SMIM36: variants seen among roughly 807,000 people sequenced by gnomAD.
The protein encoded by SMIM36 is small integral membrane protein 36.
chr17:55,487,176 G>A (rs1456740409), intron 1 of SMIM36, among the ~76,000 whole-genome samples: 2 of 151,688 alleles, frequency 1.3e-5, no homozygotes, highest in African/African-American at 4.9e-5. Flanking sequence ...CACAGGGCGG[G>A]GAACATCACA....
At chr17:55,462,944 C>A (rs765388982) in intron 4 of SMIM36, among the ~76,000 whole-genome samples, 2 of 152,162 alleles carry the variant, frequency 1.3e-5, no homozygotes, top group African/African-American at 2.4e-5. Context: ...GTTAAAGAGG[C>A]CTTTCCCACA....
At chr17:55,514,180 A>G (rs572778171), upstream of SMIM36, among the ~76,000 whole-genome samples, 5 of 151,662 alleles carry the variant, frequency 3.3e-5, no homozygotes, top group East Asian at 9.7e-4. Context: ...TCTTTAAGGA[A>G]CTTTCCTCTG....
intron 3 of SMIM36, among the ~76,000 whole-genome samples, chr17:55,476,074 A>C (rs982852324): frequency 3.9e-5 from 6 of 152,200 alleles, no homozygotes; most frequent in Non-Finnish European, 2.9e-5. Context: ...ATAAGAAGAC[A>C]GGAATGTCAG....
At chr17:55,494,220 G>A (rs774529044) in intron 1 of SMIM36, among the ~76,000 whole-genome samples, 3 of 152,042 alleles carry the variant, frequency 2.0e-5, no homozygotes, top group Non-Finnish European at 2.9e-5. Flanking sequence ...ATAGATGTAC[G>A]AGACACGCAC....
chr17:55,500,937 A>C (rs1263342863), intron 1 of SMIM36, among the ~76,000 whole-genome samples: 1 of 24,072 alleles, frequency 4.2e-5, no homozygotes, highest in Non-Finnish European at 6.6e-5. Flanking sequence ...ATATTTTATA[A>C]TATATATTAT....
chr17:55,452,102 CAAAAAAAAAAA>C (rs1156887430), intron 4 of SMIM36, among the ~76,000 whole-genome samples: 16 of 51,766 alleles, frequency 3.1e-4, no homozygotes, highest in African/African-American at 1.1e-3. Context: ...TCAATCTCTA[CAAAAAAAAAAA>C]AAAAAAAAAA....
rs918436421 is a variant in SMIM36 at position 55,457,335 on chromosome 17, T to C, written c.*532-7037A>G. Among the ~76,000 whole-genome samples the C allele has an allele frequency of 8.7e-5, 13 of 149,726 alleles. No individual in the cohort carries two copies. The South Asian group carries it at 1.5e-3, about 17-fold the overall frequency. The stretch of plus-strand genomic sequence containing the variant: ...GCATGGTGGTGTGCACCCGTAGTCC[T>C]AGCTACTCAGGAGGCTGAGGCAGGA... On this transcript the variant is annotated intron_variant, in intron 4 of 4. Transcript: ENST00000636752.
the SMIM36 span, among the ~76,000 whole-genome samples, chr17:55,530,997 T>C: frequency 6.6e-6 from 1 of 152,182 alleles, no homozygotes; most frequent in Non-Finnish European, 1.5e-5. Context: ...TTAATTTCCC[T>C]TTTCTTCCCC....
At chr17:55,494,401 A>T (rs1909770592) in intron 1 of SMIM36, among the ~76,000 whole-genome samples, 1 of 152,162 alleles carries the variant, frequency 6.6e-6, no homozygotes, top group Non-Finnish European at 1.5e-5. Context: ...CTGTTTTTTA[A>T]TTTTTTAAAA....
intron 1 of SMIM36, among the ~76,000 whole-genome samples, chr17:55,490,750 T>G (rs1909687711): frequency 6.6e-6 from 1 of 152,166 alleles, no homozygotes; most frequent in Non-Finnish European, 1.5e-5. Flanking sequence ...CTTATTTTAT[T>G]TATAAAGTGA....
At chr17:55,450,996 C>T (rs1373568490) in intron 4 of SMIM36, among the ~76,000 whole-genome samples, 1 of 152,176 alleles carries the variant, frequency 6.6e-6, no homozygotes, top group Non-Finnish European at 1.5e-5. Flanking sequence ...AAGCAATTCT[C>T]CTGCCTCAGC....
At chr17:55,457,231 C>T (rs1024294154) in intron 4 of SMIM36, among the ~76,000 whole-genome samples, 10 of 151,918 alleles carry the variant, frequency 6.6e-5, no homozygotes, top group Non-Finnish European at 1.3e-4. Context: ...GGGCGGATCA[C>T]GAGGTCAGGA....
intron 1 of SMIM36, among the ~76,000 whole-genome samples, chr17:55,491,177 G>A (rs1174772115): frequency 6.0e-5 from 9 of 149,352 alleles, no homozygotes. Context: ...GGGAGGTTGA[G>A]GCTGCAGTGA....
intron 3 of SMIM36, among the ~76,000 whole-genome samples, chr17:55,478,198 A>G (rs1346534841): frequency 6.6e-6 from 1 of 151,152 alleles, no homozygotes; most frequent in African/African-American, 2.4e-5. Flanking sequence ...CCCCCACCCA[A>G]AAAAAAAGTA....
chr17:55,491,881 G>A (rs932820355), intron 1 of SMIM36, among the ~76,000 whole-genome samples: 2 of 152,110 alleles, frequency 1.3e-5, no homozygotes, highest in African/African-American at 4.8e-5. Context: ...CAAACTAGGC[G>A]GGGCGGGGTG....
chr17:55,485,168 CA>C (rs1351740000), intron 1 of SMIM36, among the ~76,000 whole-genome samples: 3 of 152,098 alleles, frequency 2.0e-5, no homozygotes, highest in Non-Finnish European at 4.4e-5. Context: ...GCTAATATGG[CA>C]AAATCTTGAT....
intron 1 of SMIM36, among the ~76,000 whole-genome samples, chr17:55,482,148 T>C (rs888817911): frequency 7.9e-5 from 12 of 152,234 alleles, no homozygotes; most frequent in African/African-American, 2.4e-4. Context: ...ATCCTAGTAT[T>C]AGACGAATCC....
chr17:55,465,517 G>A (rs759751470), intron 4 of SMIM36, among the ~76,000 whole-genome samples: 5 of 152,170 alleles, frequency 3.3e-5, no homozygotes, highest in South Asian at 2.1e-4. Flanking sequence ...AACAATTGCT[G>A]TTGGAGGAGT....
intron 3 of SMIM36, among the ~76,000 whole-genome samples, chr17:55,478,130 C>A (rs1014001647): frequency 6.6e-6 from 1 of 151,930 alleles, no homozygotes; most frequent in African/African-American, 2.4e-5. Context: ...TTGCAGTGAG[C>A]CGAGACTGCA....
Sources: allele counts gnomAD v4.1 joint callset (sites outside exome capture counted in the v4.1 genomes callset), GRCh38; gene constraint gnomAD v4.1.1; transcripts MANE v1.5; gene names NCBI Gene and HGNC (gene_info 2026-07-23, HGNC 2026-07-21).